The following REPS1 variants were observed in gnomAD, a reference collection of about 807,000 sequenced individuals.
The protein encoded by REPS1 is ralBP1-associated Eps domain-containing protein 1.
REPS1 carries 39 observed loss-of-function variants against 100.9 expected under a neutral mutation model. The ratio of observed to expected loss-of-function variants is 0.39; its 90% CI spans 0.30 to 0.50. The LOEUF (loss-of-function observed/expected upper bound fraction) is 0.50, where lower values mean the gene tolerates loss of function less well. Among genes scored for constraint, REPS1 ranks in the 20% least tolerant of loss-of-function variants. REPS1 has a pLI of 0.86. For missense variants in REPS1, 821 were observed against 968.5 expected (o/e 0.85, Z 2.02); for synonymous variants, 324 against 340.3 (o/e 0.95, Z 0.53).
chr6:138,928,998 T>C (rs1248727067), intron 9 of REPS1: 1 of 152,180 alleles, frequency 6.6e-6, no homozygotes, highest in Admixed American at 6.5e-5. Context: ...CACCAGTTAG[T>C]TCTGTTTTCC....
Position 138,941,317 on chromosome 6 carries a change from T to C in REPS1, c.1135+18A>G, listed in dbSNP as rs778392784. ...TTATCAAGGCATGCAAACAGCTCTC[T>C]TCAGCTCCCAATCTTACCTGCTGAA... On this transcript the variant is annotated intron_variant, in intron 8 of 19. Coordinates refer to ENST00000450536, the MANE Select transcript of REPS1 (RefSeq NM_001286611.2). 2 of 1,613,566 alleles carry C rather than the reference T, an allele frequency of 1.2e-6. No individual in the cohort carries two copies. The highest frequency in any genetic ancestry group is 2.2e-5 in the South Asian group (2 of 90,926).
chr6:138,952,608 C>A (rs548033901), intron 1 of REPS1, among the ~76,000 whole-genome samples: 71 of 152,010 alleles, frequency 4.7e-4, no homozygotes, highest in African/African-American at 1.3e-3. Flanking sequence ...CCATGTTGGC[C>A]AGGCTGGTCT....
chr6:138,930,797 A>G (rs1781440873), intron 8 of REPS1, among the ~76,000 whole-genome samples: 1 of 152,308 alleles, frequency 6.6e-6, no homozygotes, highest in South Asian at 2.1e-4. Flanking sequence ...AGCAAAGTCA[A>G]TAAGCTCTGT....
At chr6:138,962,106 C>T (rs1212130775) in intron 1 of REPS1, among the ~76,000 whole-genome samples, 1 of 152,162 alleles carries the variant, frequency 6.6e-6, no homozygotes, top group Non-Finnish European at 1.5e-5. Context: ...AAACACAACA[C>T]TTGGACCACC....
In REPS1 at chr6:138,926,286, G is replaced by A. The variant is rs1047920805; in HGVS notation, c.1338+115C>T. The A allele has an allele frequency of 4.7e-5, 32 of 676,440 alleles. No homozygotes were observed. In the African/African-American group the frequency reaches 4.8e-4, roughly 10 times the overall value. 41.9% of individuals were successfully genotyped at this position (676,440 alleles called of 1,614,324 possible). ...GCACACAAAAACCAAAAAGCCTGCC[G>A]CCACTTCCCTCTAAGCACTCCACTG... On this transcript the variant is annotated intron_variant, in intron 10 of 19. Coordinates refer to ENST00000450536, the MANE Select transcript of REPS1 (RefSeq NM_001286611.2).
chr6:138,948,032 C>CCTG, intron 1 of REPS1, 119 bp from the exon 2 acceptor site: 4 of 800,516 alleles, frequency 5.0e-6, no homozygotes, highest in South Asian at 7.7e-5. Context: ...TGGTATAATA[C>CCTG]TCACAACTGA....
intron 16 of REPS1, among the ~76,000 whole-genome samples, chr6:138,912,307 C>T (rs1177127722): frequency 6.6e-6 from 1 of 152,180 alleles, no homozygotes; most frequent in Non-Finnish European, 1.5e-5. Context: ...TACTCTCATA[C>T]AAATTTTAAA....
intron 1 of REPS1, 93 bp from the exon 2 acceptor site, chr6:138,948,006 ATATC>A (rs1218167108): frequency 9.7e-6 from 11 of 1,130,160 alleles, no homozygotes; most frequent in Non-Finnish European, 1.3e-5. Context: ...ACGTCTCAAA[ATATC>A]TATCTAATAG....
Position 138,980,144 on chromosome 6 carries a change from T to C in REPS1, c.153+7386A>G, listed in dbSNP as rs113182729. Among the ~76,000 whole-genome samples, 342 of 152,280 alleles carry C rather than the reference T, an allele frequency of 2.2e-3. 1 individual carries two copies. The highest frequency in any genetic ancestry group is 4.0e-3 in the Non-Finnish European group (273 of 68,026). On this transcript the variant is annotated intron_variant, in intron 1 of 19. Transcript: ENST00000450536. ...TATGTTCCATATCCAACCCTATTTA[T>C]GCCTTCGTATTTCTACCACCTAAAA...
chr6:138,917,120 A>G (rs1165242990), intron 13 of REPS1, among the ~76,000 whole-genome samples: 2 of 152,126 alleles, frequency 1.3e-5, no homozygotes, highest in Non-Finnish European at 2.9e-5. Flanking sequence ...ACCCTATCCC[A>G]CACCCTTCTT....
chr6:138,945,602 A>T lies in REPS1; in HGVS notation c.373T>A (p.Ser125Thr), dbSNP rs753190146. The part of the protein sequence containing the change: ...SYSSDSENQG[S>T]YSGVIPPPPG... ...GGTGGGGGAATTACACCAGAATACG[A>T]CCCTTGATTTTCAGAATCTGAAGAA... The change falls in exon 3 of 20, where the codon TCG (serine) becomes ACG (threonine). Residue 125 changes from serine to threonine, a missense_variant. By Grantham distance (58) the Ser-to-Thr change is moderately conservative (BLOSUM62 1). Around this residue, in one of 3 missense-constraint regions of REPS1, gnomAD observed 757 missense variants for 866.4 expected, o/e 0.87. Coordinates refer to ENST00000450536, the MANE Select transcript of REPS1 (RefSeq NM_001286611.2). 6.2e-7 allele frequency: 1 copy of T among 1,613,446 alleles called. No individual in the cohort carries two copies. The highest frequency in any genetic ancestry group is 8.5e-7 in the Non-Finnish European group (1 of 1,179,860).
chr6:138,912,981 C>T (rs1047904802), intron 15 of REPS1, 31 bp from the exon 16 acceptor site: 68 of 1,570,182 alleles, frequency 4.3e-5, no homozygotes, highest in Non-Finnish European at 5.7e-5. Flanking sequence ...GAGGAACACA[C>T]ATTCTATCAG....
chr6:138,943,000 G>A (rs1379462583), intron 7 of REPS1, among the ~76,000 whole-genome samples: 2 of 152,104 alleles, frequency 1.3e-5, no homozygotes, highest in South Asian at 2.1e-4. Context: ...CACCTGCCTC[G>A]GCCTCCCAAA....
At chr6:138,971,590 TA>T (rs146745689) in intron 1 of REPS1, among the ~76,000 whole-genome samples, 1 of 151,690 alleles carries the variant, frequency 6.6e-6, no homozygotes, top group Non-Finnish European at 1.5e-5. Flanking sequence ...CTGCTATAGA[TA>T]AAAAAAAGTG....
At chr6:138,909,103 G>A (rs1779847582) in intron 17 of REPS1, among the ~76,000 whole-genome samples, 1 of 152,110 alleles carries the variant, frequency 6.6e-6, no homozygotes, top group African/African-American at 2.4e-5. Flanking sequence ...ATATGATACA[G>A]AATCAATATA....
intron 9 of REPS1, chr6:138,927,810 T>A (rs1781233773): frequency 6.6e-6 from 1 of 152,238 alleles, no homozygotes; most frequent in Non-Finnish European, 1.5e-5. Context: ...TCATGCGGCA[T>A]CACTTCAGGA....
Position 138,953,302 on chromosome 6 carries a change from G to A in REPS1, c.154-5389C>T, listed in dbSNP as rs192392268. On this transcript the variant is annotated intron_variant, in intron 1 of 19. Transcript: ENST00000450536. ...GTGTGGACAAATATTTTATAAATAA[G>A]ATCTCAAAAGCATAGGCAACAAAAG... 7.9e-3 allele frequency among the ~76,000 whole-genome samples: 1,202 copies of A among 152,168 alleles called. 7 individuals carry two copies. Among genetic ancestry groups the A allele is most frequent in the Non-Finnish European group, 0.012 (818 of 67,974 alleles).
intron 1 of REPS1, among the ~76,000 whole-genome samples, chr6:138,959,910 T>C (rs548694749): frequency 1.9e-4 from 29 of 152,330 alleles, no homozygotes; most frequent in African/African-American, 6.7e-4. Context: ...CTGAGGCTAG[T>C]AAGTGGCAGA....
intron 1 of REPS1, among the ~76,000 whole-genome samples, chr6:138,962,036 T>C (rs1374240092): frequency 6.6e-6 from 1 of 152,220 alleles, no homozygotes; most frequent in Non-Finnish European, 1.5e-5. Flanking sequence ...TTTTCTATAA[T>C]ATATTCCCAT....
Sources: gnomAD v4.1 joint callset for allele counts (sites outside exome capture counted in the v4.1 genomes callset) on GRCh38, gnomAD v4.1.1 for gene constraint, gnomAD v4.1.1 regional missense constraint, MANE v1.5 for transcripts, NCBI Gene and HGNC (gene_info 2026-07-23, HGNC 2026-07-21) for gene names.